SPATA13: variants seen among roughly 807,000 people sequenced by gnomAD.
SPATA13 encodes spermatogenesis-associated protein 13.
SPATA13 carries 50 observed loss-of-function variants against 104.0 expected under a neutral mutation model. The ratio of observed to expected loss-of-function variants is 0.48; its 90% CI spans 0.38 to 0.61. The LOEUF (loss-of-function observed/expected upper bound fraction) is 0.61. Among genes scored for constraint, SPATA13 ranks in the 20% least tolerant of loss-of-function variants. The probability of loss-of-function intolerance (pLI) is 0.00; values close to 1 mark genes in which losing one functional copy is unlikely to be tolerated. For missense variants in SPATA13, 1,524 were observed against 1,690.6 expected (o/e 0.90, Z 1.73); for synonymous variants, 606 against 667.5 (o/e 0.91, Z 1.42).
intron 1 of SPATA13, among the ~76,000 whole-genome samples, chr13:24,187,414 A>C (rs2760360): frequency 0.17 from 25,368 of 151,920 alleles, 3,042 homozygotes; most frequent in African/African-American, 0.34. Context: ...CCTTCTATTT[A>C]TAGAAGTTTG....
intron 3 of SPATA13, among the ~76,000 whole-genome samples, chr13:24,082,886 A>G (rs1879586722): frequency 6.6e-6 from 1 of 151,814 alleles, no homozygotes; most frequent in Admixed American, 6.6e-5. Context: ...ACTTACATAC[A>G]ATAAGAAAAA....
rs543339192 is a variant in SPATA13, at chr13:24,088,161, C to T, written c.-112+70460C>T. On this transcript the variant is annotated intron_variant, in intron 3 of 14. Coordinates refer to the SPATA13 transcript ENST00000424834. The surrounding 1 kb of genome is among the most constrained non-coding windows in gnomAD (Gnocchi z 4.3). ...ACGATGGTGGACTGTCATATGAAAA[C>T]TTGGGCTGAGGTGTGTCCTGGCAGA... is the stretch of plus-strand genomic sequence containing the variant. 2.8e-4 allele frequency among the ~76,000 whole-genome samples: 42 copies of T among 152,312 alleles called. No homozygotes were observed. Among genetic ancestry groups the T allele is most frequent in the Non-Finnish European group, 4.7e-4 (32 of 68,028 alleles).
chr13:24,220,300 G>A (rs1223904593), intron 1 of SPATA13, among the ~76,000 whole-genome samples: 6 of 152,132 alleles, frequency 3.9e-5, no homozygotes, highest in Admixed American at 3.3e-4. Context: ...AGGTCTTATA[G>A]TGCCCTCTGG....
chr13:24,213,304 A>G (rs1296305954), intron 1 of SPATA13, among the ~76,000 whole-genome samples: 2 of 152,138 alleles, frequency 1.3e-5, no homozygotes, highest in Non-Finnish European at 2.9e-5. Context: ...TCTGGCTCTG[A>G]AACCCAGGCT....
At chr13:23,980,624 A>T (rs1874840600) in intron 1 of SPATA13, among the ~76,000 whole-genome samples, 1 of 152,052 alleles carries the variant, frequency 6.6e-6, no homozygotes, top group Non-Finnish European at 1.5e-5. Context: ...AGACAGTCTT[A>T]CTTTGTCGCC....
chr13:24,060,521 A>G (rs1171494818), intron 3 of SPATA13, among the ~76,000 whole-genome samples: 1 of 152,222 alleles, frequency 6.6e-6, no homozygotes, highest in Non-Finnish European at 1.5e-5. Flanking sequence ...ACATAGGCAT[A>G]GGGAAAGATT....
chr13:24,246,587 T>C (rs1043825608), intron 2 of SPATA13, among the ~76,000 whole-genome samples: 2 of 152,046 alleles, frequency 1.3e-5, no homozygotes, highest in Non-Finnish European at 2.9e-5. Context: ...AGGCCGGGTG[T>C]GGTGGCTCAC....
chr13:24,192,438 T>C (rs568788470), intron 1 of SPATA13, among the ~76,000 whole-genome samples: 2 of 152,234 alleles, frequency 1.3e-5, no homozygotes, highest in African/African-American at 4.8e-5. Flanking sequence ...CTTCAGTCTC[T>C]GTGCCAGTTC....
At chr13:24,086,262 A>G (rs572121465) in intron 3 of SPATA13, among the ~76,000 whole-genome samples, 1 of 152,216 alleles carries the variant, frequency 6.6e-6, no homozygotes, top group Non-Finnish European at 1.5e-5. Context: ...TTCATATTGC[A>G]TGGTACATAG....
At chr13:24,025,969 T>A (rs1229720189) in intron 3 of SPATA13, among the ~76,000 whole-genome samples, 1 of 152,116 alleles carries the variant, frequency 6.6e-6, no homozygotes, top group Admixed American at 6.6e-5. Flanking sequence ...CACGCCTGGC[T>A]AATTTTTGTA....
intron 1 of SPATA13, among the ~76,000 whole-genome samples, chr13:24,181,733 G>A (rs1264326340): frequency 6.7e-6 from 1 of 148,990 alleles, no homozygotes; most frequent in East Asian, 2.0e-4. Context: ...TGTCCTGAAG[G>A]ACCTGCCTGA....
chr13:23,983,842 TGCCTGTGCAGCACCACAG>T (rs1410019105), exon 2 of SPATA13: 2 of 976,626 alleles, frequency 2.0e-6, no homozygotes, highest in Non-Finnish European at 2.4e-6. Flanking sequence ...TCATATTCGC[TGCCTGTGCAGCACCACAG>T]GCCTGATGAA....
chr13:24,153,053 G>A (rs924206138), intron 3 of SPATA13, among the ~76,000 whole-genome samples: 1 of 152,206 alleles, frequency 6.6e-6, no homozygotes, highest in South Asian at 2.1e-4. Flanking sequence ...TCTATGTTAC[G>A]TCTGTGCTCA....
intron 4 of SPATA13, among the ~76,000 whole-genome samples, chr13:24,276,132 G>A (rs1874967122): frequency 6.6e-6 from 1 of 152,138 alleles, no homozygotes. Flanking sequence ...ATGCTAAAGA[G>A]TTGTAAGCAG....
At position 24,062,217 on chromosome 13, in the gene SPATA13, G is replaced by T. The variant is rs78266197; in HGVS notation, c.-112+44516G>T. ...GGCTGTTTACTAGTGATGCTATTCC[G>T]GGAAGAGCTCTAGGGCTTCTTAGCC... On this transcript the variant is annotated intron_variant, in intron 3 of 14. Coordinates refer to the SPATA13 transcript ENST00000424834. Among the ~76,000 whole-genome samples the T allele has an allele frequency of 2.4e-4, 36 of 152,334 alleles. No individual in the cohort carries two copies. The East Asian group carries it at 6.6e-3, about 28-fold the overall frequency.
chr13:24,023,242 C>G (rs773973808), intron 3 of SPATA13, among the ~76,000 whole-genome samples: 1 of 152,058 alleles, frequency 6.6e-6, no homozygotes, highest in African/African-American at 2.4e-5. Context: ...CATCCATGTC[C>G]CTGCAAAGGA....
chr13:24,001,558 G>A (rs1443986925), intron 2 of SPATA13, among the ~76,000 whole-genome samples: 3 of 151,974 alleles, frequency 2.0e-5, no homozygotes, highest in African/African-American at 4.8e-5. Flanking sequence ...GTGTCTGTTA[G>A]GGTCAATCCC....
At chr13:24,077,441 A>G (rs368546262) in intron 3 of SPATA13, among the ~76,000 whole-genome samples, 8 of 152,090 alleles carry the variant, frequency 5.3e-5, no homozygotes, top group East Asian at 1.9e-4. Flanking sequence ...ACGGACATAA[A>G]GATGGAAATA....
chr13:24,178,394 C>G (rs2138518882), intron 1 of SPATA13, among the ~76,000 whole-genome samples: 1 of 152,196 alleles, frequency 6.6e-6, no homozygotes. Context: ...GAGGAACATG[C>G]ATTTTTTTTT....
Sources: allele counts gnomAD v4.1 joint callset (sites outside exome capture counted in the v4.1 genomes callset), GRCh38; gene constraint gnomAD v4.1.1; non-coding constraint Gnocchi (gnomAD v3.1); transcripts MANE v1.5; gene names NCBI Gene and HGNC (gene_info 2026-07-23, HGNC 2026-07-21).